FGD4: variants seen among roughly 807,000 people sequenced by gnomAD.
The protein encoded by FGD4 is FYVE, RhoGEF and PH domain containing 4.
FGD4 carries 42 observed loss-of-function variants against 102.0 expected under a neutral mutation model. The observed-to-expected ratio is 0.41, with a 90% CI of 0.32 to 0.53. FGD4 has a LOEUF of 0.53. Ranked by LOEUF, FGD4 falls within the 20% of genes least tolerant of loss-of-function variation. The probability of loss-of-function intolerance (pLI) is 0.21; values close to 1 mark genes in which losing one functional copy is unlikely to be tolerated. For synonymous variants in FGD4, 380 were observed against 375.7 expected (o/e 1.01, Z -0.13); for missense variants, 902 against 1,078.2 (o/e 0.84, Z 2.29).
At position 32,408,204 on chromosome 12, in the gene FGD4, C is replaced by T. The variant is rs151023640; in HGVS notation, c.166+8245C>T. 4.7e-3 allele frequency among the ~76,000 whole-genome samples: 676 copies of T among 144,262 alleles called. 6 individuals are homozygous for T. The highest frequency in any genetic ancestry group is 0.012 in the African/African-American group (455 of 38,578). 94.6% of individuals were successfully genotyped at this position (144,262 alleles called of 152,430 possible). On this transcript the variant is annotated intron_variant, in intron 1 of 16. Transcript: ENST00000534526. ...TTTTTTTGAGACAGAATTTCGCTCT[C>T]GTTGCCCAAGCTGTAGTGCAATGGT...
intron 1 of FGD4, among the ~76,000 whole-genome samples, chr12:32,422,512 A>G (rs1448084541): frequency 6.6e-6 from 1 of 150,866 alleles, no homozygotes; most frequent in Admixed American, 6.6e-5. Context: ...GTTAGCCAGG[A>G]TGGTCTCGAT....
intron 1 of FGD4, among the ~76,000 whole-genome samples, chr12:32,555,752 G>A (rs996710525): frequency 6.6e-6 from 1 of 151,244 alleles, no homozygotes; most frequent in Non-Finnish European, 1.5e-5. Context: ...TTGTATTTTT[G>A]GTAGAGACGG....
intron 1 of FGD4, chr12:32,486,054 A>G (rs1943890145): frequency 5.3e-6 from 8 of 1,498,786 alleles, no homozygotes; most frequent in African/African-American, 1.4e-5. Context: ...CTACCAACAA[A>G]TTATGGATCC....
intron 1 of FGD4, among the ~76,000 whole-genome samples, chr12:32,473,481 C>T (rs921635590): frequency 6.6e-6 from 1 of 151,972 alleles, no homozygotes; most frequent in African/African-American, 2.4e-5. Context: ...TGCAGCTTCA[C>T]TCCTGAGCCA....
At chr12:32,633,397 T>G (rs1950604092) in intron 14 of FGD4, 152 bp from the exon 15 acceptor site, 1 of 747,596 alleles carries the variant, frequency 1.3e-6, no homozygotes, top group East Asian at 2.9e-5. Flanking sequence ...CACCTTGATA[T>G]GTACTTCTAG....
At chr12:32,628,545 TC>T (rs768423455) in intron 14 of FGD4, among the ~76,000 whole-genome samples, 1 of 152,074 alleles carries the variant, frequency 6.6e-6, no homozygotes, top group Admixed American at 6.6e-5. Context: ...ACACCTGTAA[TC>T]CCAGCACTTT....
chr12:32,575,490 A>C lies in FGD4; in HGVS notation c.320-776A>C, dbSNP rs79615977. On this transcript the variant is annotated intron_variant, in intron 2 of 16. Coordinates refer to ENST00000534526, the MANE Select transcript of FGD4 (RefSeq NM_001370298.3). Reference sequence around the variant, plus strand: ...ATTCACTATGGCAAGAATTGTACCAAGCCATACGTGAGGGATCTGCACACA... The same window carrying C: ...ATTCACTATGGCAAGAATTGTACCACGCCATACGTGAGGGATCTGCACACA... Among the ~76,000 whole-genome samples the C allele has an allele frequency of 4.7e-3, 721 of 152,306 alleles. 5 individuals are homozygous for C. The highest frequency in any genetic ancestry group is 0.016 in the African/African-American group (666 of 41,570).
chr12:32,555,007 T>A (rs1943974947), intron 1 of FGD4, among the ~76,000 whole-genome samples: 1 of 152,220 alleles, frequency 6.6e-6, no homozygotes, highest in African/African-American at 2.4e-5. Flanking sequence ...GGATCTGACT[T>A]GGGTTTTAAA....
chr12:32,514,009 A>G (rs564307389), intron 1 of FGD4, among the ~76,000 whole-genome samples: 1 of 152,322 alleles, frequency 6.6e-6, no homozygotes, highest in Non-Finnish European at 1.5e-5. Context: ...AAAGAAAATC[A>G]AATATTTCAA....
chr12:32,490,997 C>T (rs147390047), intron 1 of FGD4, among the ~76,000 whole-genome samples: 1 of 152,154 alleles, frequency 6.6e-6, no homozygotes, highest in African/African-American at 2.4e-5. Context: ...TTCATTCAGT[C>T]TACAATACAG....
At chr12:32,604,936 CTTT>C (rs575943561) in intron 7 of FGD4, among the ~76,000 whole-genome samples, 1 of 94,542 alleles carries the variant, frequency 1.1e-5, no homozygotes, top group Admixed American at 1.3e-4. Context: ...TTTATAGCTG[CTTT>C]TTTTTTTTTT....
intron 2 of FGD4, among the ~76,000 whole-genome samples, chr12:32,569,057 G>T (rs1406727376): frequency 6.6e-6 from 1 of 152,110 alleles, no homozygotes; most frequent in Non-Finnish European, 1.5e-5. Flanking sequence ...TGGTAGTTGA[G>T]ACCCAAGGCT....
intron 7 of FGD4, among the ~76,000 whole-genome samples, chr12:32,602,702 A>C (rs1189711615): frequency 2.6e-5 from 4 of 152,184 alleles, no homozygotes; most frequent in African/African-American, 7.2e-5. Context: ...TTGTCACTTG[A>C]TATCTGTGTC....
At chr12:32,612,364 G>C (rs1047565717) in intron 10 of FGD4, among the ~76,000 whole-genome samples, 1 of 152,206 alleles carries the variant, frequency 6.6e-6, no homozygotes, top group African/African-American at 2.4e-5. Context: ...GGCAGGCCTG[G>C]GATCTGGGCT....
intron 1 of FGD4, among the ~76,000 whole-genome samples, chr12:32,402,047 C>G (rs1393704398): frequency 6.6e-6 from 1 of 150,768 alleles, no homozygotes; most frequent in East Asian, 1.9e-4. Flanking sequence ...GGACTACAGG[C>G]GCCCGCCACC....
At chr12:32,408,406 A>C (rs1461262729) in intron 1 of FGD4, among the ~76,000 whole-genome samples, 3 of 152,098 alleles carry the variant, frequency 2.0e-5, no homozygotes, top group Non-Finnish European at 2.9e-5. Flanking sequence ...ACCTCAGGTG[A>C]TCCGCCCACC....
intron 2 of FGD4, among the ~76,000 whole-genome samples, chr12:32,573,804 CCT>C (rs1948806436): frequency 6.6e-6 from 1 of 152,136 alleles, no homozygotes; most frequent in Non-Finnish European, 1.5e-5. Flanking sequence ...CATTAAAGTG[CCT>C]CTCCACTAGT....
chr12:32,458,853 A>G (rs1407221691), intron 1 of FGD4, among the ~76,000 whole-genome samples: 1 of 152,244 alleles, frequency 6.6e-6, no homozygotes, highest in African/African-American at 2.4e-5. Flanking sequence ...TTTAGGAAGC[A>G]TTCACCCATT....
At chr12:32,520,428 T>G (rs1280802248) in intron 1 of FGD4, among the ~76,000 whole-genome samples, 1 of 119,528 alleles carries the variant, frequency 8.4e-6, no homozygotes, top group Non-Finnish European at 1.8e-5. Flanking sequence ...ATTGTGGGTT[T>G]TTTTGTTTTT....
Sources: gnomAD v4.1 joint callset for allele counts (sites outside exome capture counted in the v4.1 genomes callset) on GRCh38, gnomAD v4.1.1 for gene constraint, MANE v1.5 for transcripts, NCBI Gene and HGNC (gene_info 2026-07-23, HGNC 2026-07-21) for gene names.